ASTN2: variants seen among roughly 807,000 people sequenced by gnomAD.
ASTN2 encodes the protein astrotactin-2.
Under a neutral mutation model 139.8 loss-of-function variants are expected in ASTN2, and 54 were observed. The observed-to-expected ratio is 0.39, with a 90% CI of 0.31 to 0.48. The LOEUF (loss-of-function observed/expected upper bound fraction) is 0.48. Ranked by LOEUF, ASTN2 falls within the 20% of genes least tolerant of loss-of-function variation. The pLI, the probability that ASTN2 is intolerant of heterozygous loss-of-function variation, is 0.95. For missense variants in ASTN2, 1,565 were observed against 1,725.1 expected (o/e 0.91, Z 1.64); for synonymous variants, 756 against 719.5 (o/e 1.05, Z -0.81).
chr9:117,000,285 A>G (rs963058911), intron 7 of ASTN2, among the ~76,000 whole-genome samples: 1 of 152,226 alleles, frequency 6.6e-6, no homozygotes, highest in Non-Finnish European at 1.5e-5. Context: ...AGCTCCCTAC[A>G]ACCAGGAAAC....
intron 20 of ASTN2, among the ~76,000 whole-genome samples, chr9:116,464,794 G>C (rs1848602370): frequency 6.6e-6 from 1 of 152,170 alleles, no homozygotes; most frequent in South Asian, 2.1e-4. Context: ...GGGACACACT[G>C]CTGGGGTCTC....
At chr9:116,820,527 A>G (rs1340738473) in intron 12 of ASTN2, 90 bp downstream of exon 12, 1 of 1,451,254 alleles carries the variant, frequency 6.9e-7, no homozygotes, top group Non-Finnish European at 9.3e-7. Flanking sequence ...GTCAAGGTTC[A>G]GCCTTGCTGA....
intron 2 of ASTN2, among the ~76,000 whole-genome samples, chr9:117,285,740 T>C (rs1207197277): frequency 9.2e-5 from 14 of 152,208 alleles, no homozygotes; most frequent in Admixed American, 9.2e-4. Context: ...CACCGATGGA[T>C]AGCTCAGACA....
chr9:116,928,404 A>G (rs575260884), intron 10 of ASTN2, among the ~76,000 whole-genome samples: 1 of 152,226 alleles, frequency 6.6e-6, no homozygotes, highest in South Asian at 2.1e-4. Context: ...TTCCACATAT[A>G]GATTTGAAGA....
chr9:116,896,174 T>C (rs1476419438), intron 10 of ASTN2, among the ~76,000 whole-genome samples: 1 of 152,080 alleles, frequency 6.6e-6, no homozygotes, highest in Non-Finnish European at 1.5e-5. Context: ...AGCTAAGGAA[T>C]GTGGTAATAG....
At chr9:117,055,812 T>C (rs1318333237) in intron 5 of ASTN2, among the ~76,000 whole-genome samples, 3 of 152,234 alleles carry the variant, frequency 2.0e-5, no homozygotes, top group Non-Finnish European at 2.9e-5. Flanking sequence ...CTTTGCTTCC[T>C]GGTATCCTTG....
At chr9:117,214,984 T>A (rs918122877) in intron 2 of ASTN2, among the ~76,000 whole-genome samples, 1 of 152,172 alleles carries the variant, frequency 6.6e-6, no homozygotes, top group South Asian at 2.1e-4. Flanking sequence ...TCCATAGTTA[T>A]AAAGGTTGAG....
chr9:116,836,384 C>T (rs780895825), intron 11 of ASTN2, among the ~76,000 whole-genome samples: 8 of 152,114 alleles, frequency 5.3e-5, no homozygotes, highest in Non-Finnish European at 1.0e-4. Context: ...GGGGTGCTCA[C>T]TATCTATCAT....
At chr9:117,115,512 G>T (rs1168349397) in intron 4 of ASTN2, among the ~76,000 whole-genome samples, 1 of 152,142 alleles carries the variant, frequency 6.6e-6, no homozygotes. Flanking sequence ...GACAGAGTGA[G>T]ACTTTGTCTC....
intron 5 of ASTN2, among the ~76,000 whole-genome samples, chr9:117,045,979 T>TACGTAC (rs1564399779): frequency 0.046 from 5,622 of 123,426 alleles, 294 homozygotes; most frequent in African/African-American, 0.12. Flanking sequence ...TATGTATGTA[T>TACGTAC]GTACGTACGT....
At chr9:117,406,030 CAA>C (rs1289693023) in intron 1 of ASTN2, among the ~76,000 whole-genome samples, 2 of 152,174 alleles carry the variant, frequency 1.3e-5, no homozygotes, top group Non-Finnish European at 2.9e-5. Context: ...CAGCCCATCT[CAA>C]GTTTTGTCTA....
intron 4 of ASTN2, among the ~76,000 whole-genome samples, chr9:117,111,555 T>C (rs886853565): frequency 2.0e-5 from 3 of 152,026 alleles, no homozygotes; most frequent in Non-Finnish European, 2.9e-5. Context: ...AAACCATGTC[T>C]AAAGGACCCA....
intron 5 of ASTN2, among the ~76,000 whole-genome samples, chr9:117,060,817 C>A (rs1376441575): frequency 2.6e-5 from 4 of 152,012 alleles, no homozygotes; most frequent in African/African-American, 9.7e-5. Context: ...ATAGCATGAA[C>A]CCAGGAGGTG....
At chr9:116,634,848 C>A (rs2131875153) in intron 17 of ASTN2, among the ~76,000 whole-genome samples, 1 of 152,130 alleles carries the variant, frequency 6.6e-6, no homozygotes, top group South Asian at 2.1e-4. Context: ...ATCAGTGGAT[C>A]TCTAAGGGTA....
At chr9:116,623,459 A>C (rs7031478) in intron 17 of ASTN2, among the ~76,000 whole-genome samples, 67,598 of 151,842 alleles carry the variant, frequency 0.45, 15,930 homozygotes, top group East Asian at 0.72. Context: ...ATAAGGCTGC[A>C]GAAGCCAGCA....
intron 19 of ASTN2, among the ~76,000 whole-genome samples, chr9:116,506,910 C>T (rs1362697348): frequency 1.3e-5 from 2 of 152,092 alleles, no homozygotes; most frequent in African/African-American, 4.8e-5. Context: ...TGTGACTCAC[C>T]TGCCCTCTCT....
intron 5 of ASTN2, among the ~76,000 whole-genome samples, chr9:117,050,701 C>T (rs752945339): frequency 3.3e-5 from 5 of 152,038 alleles, no homozygotes; most frequent in Non-Finnish European, 7.4e-5. Context: ...TGATCCTGAC[C>T]CTGTGAATGT....
chr9:116,651,726 C>A lies in ASTN2; in HGVS notation c.2874G>T (p.Leu958Phe). The A allele has an allele frequency of 6.2e-7, 1 of 1,614,156 alleles. No individual in the cohort carries two copies. The highest frequency in any genetic ancestry group is 8.5e-7 in the Non-Finnish European group (1 of 1,180,022). Residue 958 changes from leucine to phenylalanine, a missense_variant, in exon 17 of 23, where the codon TTG becomes TTT. Physicochemically the swap from Leu to Phe is conservative, Grantham distance 22. This residue lies in a region of ASTN2 where 48 missense variants were observed against 90.7 expected (regional missense o/e 0.53). Transcript: ENST00000313400. ...CATCTGACAGCATCTGGGCTGTCAG[C>A]AAACCTGAGAGGTAGGTGATGAAGG... Reference protein sequence around the residue: ...SMPFITYLSGLLTAQMLSDDQ... With the variant: ...SMPFITYLSGFLTAQMLSDDQ...
intron 19 of ASTN2, among the ~76,000 whole-genome samples, chr9:116,515,984 T>A (rs1850631736): frequency 2.6e-5 from 4 of 152,216 alleles, no homozygotes. Flanking sequence ...TTTAATTTTC[T>A]AATAAGTTCC....
Sources: allele counts gnomAD v4.1 joint callset (sites outside exome capture counted in the v4.1 genomes callset), GRCh38; gene constraint gnomAD v4.1.1; regional missense constraint gnomAD v4.1.1; transcripts MANE v1.5; gene names NCBI Gene and HGNC (gene_info 2026-07-23, HGNC 2026-07-21).